WDPCP: variants seen among roughly 807,000 people sequenced by gnomAD.
WDPCP encodes WD repeat containing planar cell polarity effector, also known as WD repeat-containing and planar cell polarity effector protein fritz homolog.
In WDPCP, 71 loss-of-function variants were observed where a neutral mutation model predicts 93.1. That is an observed-to-expected ratio of 0.76 (90% confidence interval 0.63 to 0.93). The LOEUF (loss-of-function observed/expected upper bound fraction) is 0.93. WDPCP is among the 40% of genes least tolerant of loss of function. The probability of loss-of-function intolerance (pLI) is 0.00; values close to 1 mark genes in which losing one functional copy is unlikely to be tolerated. For synonymous variants in WDPCP, 315 were observed against 315.0 expected (o/e 1.00, Z 0.00); for missense variants, 844 against 887.4 (o/e 0.95, Z 0.62).
intron 2 of WDPCP, among the ~76,000 whole-genome samples, chr2:63,736,298 T>C (rs188995359): frequency 1.3e-5 from 2 of 152,272 alleles, no homozygotes; most frequent in East Asian, 3.9e-4. Context: ...AAACAAAAAA[T>C]ATGACTCCAT....
intron 17 of WDPCP, among the ~76,000 whole-genome samples, chr2:63,126,666 G>GTTTTTTTTTT (rs763749429): frequency 1.0e-5 from 1 of 98,114 alleles, no homozygotes. Context: ...CTTGTTTTGT[G>GTTTTTTTTTT]TTTTTTTTTT....
At chr2:63,786,893 G>C (rs1419140755) in intron 2 of WDPCP, among the ~76,000 whole-genome samples, 1 of 152,136 alleles carries the variant, frequency 6.6e-6, no homozygotes, top group Non-Finnish European at 1.5e-5. Flanking sequence ...TTTATGTTTT[G>C]TTATTTGATG....
chr2:63,460,798 T>C (rs1181252158), intron 6 of WDPCP, among the ~76,000 whole-genome samples: 2 of 152,040 alleles, frequency 1.3e-5, no homozygotes, highest in Non-Finnish European at 2.9e-5. Flanking sequence ...AGCTAATTTT[T>C]TGTATTTTTA....
chr2:63,541,824 C>A (rs1250532552), intron 1 of WDPCP, among the ~76,000 whole-genome samples: 1 of 152,134 alleles, frequency 6.6e-6, no homozygotes, highest in African/African-American at 2.4e-5. Context: ...TTAATCATAG[C>A]AATCCCATTA....
At chr2:63,830,064 A>C (rs1671170650), upstream of WDPCP, among the ~76,000 whole-genome samples, 1 of 152,116 alleles carries the variant, frequency 6.6e-6, no homozygotes, top group African/African-American at 2.4e-5. Flanking sequence ...CCTTTACTAA[A>C]GATTCTATTT....
At chr2:63,575,344 T>TGTATATGGTATATACAGTATATACA (rs1707855535) in intron 1 of WDPCP, among the ~76,000 whole-genome samples, 3 of 142,416 alleles carry the variant, frequency 2.1e-5, no homozygotes, top group Admixed American at 2.1e-4. Context: ...TGGTATATAC[T>TGTATATGGTATATACAGTATATACA]GTATATGGTA....
At chr2:63,160,222 C>G (rs1235363838) in intron 15 of WDPCP, among the ~76,000 whole-genome samples, 1 of 152,134 alleles carries the variant, frequency 6.6e-6, no homozygotes, top group African/African-American at 2.4e-5. Flanking sequence ...GGAACCAGAA[C>G]CTGATAATCG....
intron 2 of WDPCP, among the ~76,000 whole-genome samples, chr2:63,651,192 T>C (rs1330901381): frequency 3.3e-5 from 5 of 152,214 alleles, no homozygotes; most frequent in African/African-American, 4.8e-5. Context: ...AGAGGAAAAT[T>C]CTATTTTTTT....
chr2:63,528,505 T>G (rs1703537907), intron 1 of WDPCP, among the ~76,000 whole-genome samples: 1 of 152,226 alleles, frequency 6.6e-6, no homozygotes, highest in African/African-American at 2.4e-5. Flanking sequence ...TTTATCAGGT[T>G]TGTCAAAGAT....
rs141348528 is a variant in WDPCP, at chr2:63,679,061, G to A, written n.309-28223C>T. On this transcript the variant is annotated intron_variant and non_coding_transcript_variant, in intron 2 of 4. Transcript: ENST00000467687. ...TAAAATGTCGTAAATTTCTAATCCC[G>A]TGCATTAAATACCTTTGCTTAAAAT... Among the ~76,000 whole-genome samples the A allele has an allele frequency of 2.4e-3, 359 of 152,264 alleles. 2 individuals are homozygous for A. The highest frequency in any genetic ancestry group is 0.02 in the Middle Eastern group (6 of 294).
chr2:63,249,366 G>C (rs1680536884), intron 14 of WDPCP, among the ~76,000 whole-genome samples: 2 of 152,196 alleles, frequency 1.3e-5, no homozygotes, highest in Non-Finnish European at 2.9e-5. Context: ...CATGGCAACA[G>C]TGATGTCATC....
At chr2:63,548,153 G>A (rs541376935) in intron 1 of WDPCP, among the ~76,000 whole-genome samples, 4 of 151,844 alleles carry the variant, frequency 2.6e-5, no homozygotes, top group African/African-American at 9.7e-5. Flanking sequence ...AAAAGCAAAT[G>A]TAAGTATTAC....
chr2:63,225,035 T>C (rs1215699462), intron 14 of WDPCP, among the ~76,000 whole-genome samples: 1 of 151,522 alleles, frequency 6.6e-6, no homozygotes, highest in African/African-American at 2.4e-5. Flanking sequence ...CAGCTTAATT[T>C]TGCTGTGAAC....
chr2:63,790,833 T>A (rs191428471), intron 2 of WDPCP, among the ~76,000 whole-genome samples: 102 of 152,336 alleles, frequency 6.7e-4, no homozygotes, highest in Non-Finnish European at 1.3e-3. Context: ...AGAGAAGACC[T>A]CTTAGTAAGG....
intron 1 of WDPCP, among the ~76,000 whole-genome samples, chr2:63,496,485 A>C (rs531966773): frequency 6.6e-6 from 1 of 152,348 alleles, no homozygotes; most frequent in African/African-American, 2.4e-5. Context: ...TTCAAGGAGA[A>C]TAAGCAAAAT....
chr2:63,806,287 C>T (rs568739218), intron 2 of WDPCP, among the ~76,000 whole-genome samples: 7 of 152,184 alleles, frequency 4.6e-5, no homozygotes, highest in African/African-American at 1.7e-4. Context: ...CATCACATGT[C>T]GGTAGGTTCC....
chr2:63,391,236 C>A (rs559936722), intron 10 of WDPCP, among the ~76,000 whole-genome samples: 1 of 152,194 alleles, frequency 6.6e-6, no homozygotes, highest in Non-Finnish European at 1.5e-5. Flanking sequence ...GCTGATTAAA[C>A]ATACGCAAAT....
At chr2:63,437,325 G>C (rs1697199919) in intron 8 of WDPCP, 96 bp downstream of exon 8, 1 of 1,055,356 alleles carries the variant, frequency 9.5e-7, no homozygotes, top group Admixed American at 2.8e-5. Context: ...CTGAAATCCA[G>C]AAATGTTGAA....
At chr2:63,480,202 G>A (rs2105881066) in intron 6 of WDPCP, among the ~76,000 whole-genome samples, 1 of 152,080 alleles carries the variant, frequency 6.6e-6, no homozygotes, top group East Asian at 1.9e-4. Flanking sequence ...TCTCTACAAG[G>A]AAAACTACAA....
Sources: allele counts gnomAD v4.1 joint callset (sites outside exome capture counted in the v4.1 genomes callset), GRCh38; gene constraint gnomAD v4.1.1; transcripts MANE v1.5; gene names NCBI Gene and HGNC (gene_info 2026-07-23, HGNC 2026-07-21).